Variants in RETREG1 observed in about 807,000 individuals in gnomAD.
RETREG1 encodes family with sequence similarity 134 member B.
RETREG1 carries 44 observed loss-of-function variants against 54.8 expected under a neutral mutation model. The observed-to-expected ratio is 0.80, with a 90% CI of 0.63 to 1.03. RETREG1 has a LOEUF of 1.03. Among genes scored for constraint, RETREG1 ranks in the 50% least tolerant of loss-of-function variants. The probability of loss-of-function intolerance (pLI) is 0.00; values close to 1 mark genes in which losing one functional copy is unlikely to be tolerated. For missense variants in RETREG1, 554 were observed against 605.1 expected, an observed-to-expected ratio of 0.92 and a Z score of 0.89; for synonymous variants, 217 against 238.5, an observed-to-expected ratio of 0.91 and a Z score of 0.83.
intron 1 of RETREG1, among the ~76,000 whole-genome samples, chr5:16,576,429 A>T (rs1742320579): frequency 6.6e-6 from 1 of 151,660 alleles, no homozygotes; most frequent in South Asian, 2.1e-4. Flanking sequence ...AGTAGCTGAG[A>T]CTACAGGTGC....
chr5:16,543,134 G>A (rs140382406), intron 3 of RETREG1, among the ~76,000 whole-genome samples: 290 of 152,226 alleles, frequency 1.9e-3, no homozygotes, highest in African/African-American at 6.8e-3. Flanking sequence ...TAATTACCTT[G>A]AGATTCTTTC....
intron 3 of RETREG1, among the ~76,000 whole-genome samples, chr5:16,512,412 C>T (rs1740208621): frequency 6.6e-6 from 1 of 152,160 alleles, no homozygotes; most frequent in Non-Finnish European, 1.5e-5. Context: ...TGTATATACT[C>T]TCTTTCCAAA....
intron 1 of RETREG1, among the ~76,000 whole-genome samples, chr5:16,612,683 C>T (rs1743381203): frequency 6.6e-6 from 1 of 152,138 alleles, no homozygotes; most frequent in Admixed American, 6.5e-5. Flanking sequence ...GAGACAGGCA[C>T]TCTATGTGGC....
rs74807621 is a variant in RETREG1, at chr5:16,570,323, G to C, written c.427+1673C>G. ...ATTTCCACATCTGCATGAATATCAAGCCCATGAGTCAACAGCGGAAACGAT... is the reference window on the plus strand; with the variant it reads ...ATTTCCACATCTGCATGAATATCAACCCCATGAGTCAACAGCGGAAACGAT... On this transcript the variant is annotated intron_variant, in intron 2 of 8. Coordinates refer to ENST00000306320, the MANE Select transcript of RETREG1 (RefSeq NM_001034850.3). Among the ~76,000 whole-genome samples the C allele has an allele frequency of 6.1e-3, 931 of 152,272 alleles. 9 individuals are homozygous for C. The highest frequency in any genetic ancestry group is 0.021 in the African/African-American group (858 of 41,534).
rs7729267 is a variant in RETREG1 at position 16,510,078 on chromosome 5, G to A, written c.459-26606C>T. ...TGTTGTTATGTTATAGCTAATCCTAGCATGTTATCTATATTTAATGTATAT... is the reference window on the plus strand; with the variant it reads ...TGTTGTTATGTTATAGCTAATCCTAACATGTTATCTATATTTAATGTATAT... On this transcript the variant is annotated intron_variant, in intron 3 of 8. Transcript: ENST00000306320. Among the ~76,000 whole-genome samples the A allele has an allele frequency of 4.5e-3, 685 of 152,236 alleles. 7 individuals carry two copies. Among genetic ancestry groups the A allele is most frequent in the African/African-American group, 0.016 (663 of 41,536 alleles).
chr5:16,520,206 A>T (rs1393567926), intron 3 of RETREG1, among the ~76,000 whole-genome samples: 1 of 152,166 alleles, frequency 6.6e-6, no homozygotes, highest in Non-Finnish European at 1.5e-5. Context: ...ACGGGCGAAG[A>T]GTCAGAGCCT....
chr5:16,536,562 A>G lies in RETREG1; in HGVS notation c.458+29201T>C, dbSNP rs75450903. 2.2e-3 allele frequency among the ~76,000 whole-genome samples: 340 copies of G among 151,954 alleles called. 4 individuals are homozygous for G. The South Asian group carries it at 0.029, about 13-fold the overall frequency. On this transcript the variant is annotated intron_variant, in intron 3 of 8. Coordinates refer to ENST00000306320, the MANE Select transcript of RETREG1 (RefSeq NM_001034850.3). ...CTAACTCCTCGCCCAAGGAGCCACC[A>G]AGAGACACCAGGACACAGGACAAAC...
At chr5:16,555,020 A>G (rs1030576192) in intron 3 of RETREG1, among the ~76,000 whole-genome samples, 2 of 152,128 alleles carry the variant, frequency 1.3e-5, no homozygotes, top group Non-Finnish European at 1.5e-5. Flanking sequence ...CTGGCCCCTC[A>G]CCACTCCCTA....
chr5:16,551,175 T>C (rs1741529811), intron 3 of RETREG1, among the ~76,000 whole-genome samples: 1 of 152,162 alleles, frequency 6.6e-6, no homozygotes, highest in African/African-American at 2.4e-5. Context: ...TTACCAGCAA[T>C]ATTTTCCAAA....
At chr5:16,521,887 C>T (rs1433422473) in intron 3 of RETREG1, among the ~76,000 whole-genome samples, 1 of 152,226 alleles carries the variant, frequency 6.6e-6, no homozygotes. Flanking sequence ...GACTTTGCAG[C>T]TTGCAGCTCT....
Position 16,483,450 on chromosome 5 carries a change from G to C in RETREG1, c.481C>G (p.Pro161Ala), listed in dbSNP as rs954191893. The C allele has an allele frequency of 1.2e-6, 2 of 1,613,014 alleles. No homozygotes were observed. Among genetic ancestry groups the C allele is most frequent in the South Asian group, 1.1e-5 (1 of 91,052 alleles). ...SESWEVINSK[P>A]DERPRLSHCI... ...TGGCTGAGCCTGGGTCTTTCATCTG[G>C]TTTGGAATTGATAACTTCCCAGCTA... The change falls in exon 4 of 9, where the codon CCA becomes GCA. Residue 161 changes from proline (P) to alanine (A), a missense_variant. Physicochemically the swap from Pro to Ala is conservative, Grantham distance 27 (BLOSUM62 -1). This residue lies in a region of RETREG1 where 347 missense variants were observed against 412.3 expected (regional missense o/e 0.84). Transcript: ENST00000306320.
chr5:16,593,517 T>A lies in RETREG1; in HGVS notation c.321-21415A>T, dbSNP rs1401050680. On this transcript the variant is annotated intron_variant, in intron 1 of 8. Coordinates refer to ENST00000306320, the MANE Select transcript of RETREG1 (RefSeq NM_001034850.3). The surrounding 1 kb of genome is among the most constrained non-coding windows in gnomAD (Gnocchi z 4.9). ...ACCATGCATGTAATCAATGTAATCA[T>A]TAATCATAAATTCCTTAAAGCACAT... Among the ~76,000 whole-genome samples, 1 of 152,186 alleles carries A rather than the reference T, an allele frequency of 6.6e-6. No homozygotes were observed. The highest frequency in any genetic ancestry group is 1.5e-5 in the Non-Finnish European group (1 of 68,038).
chr5:16,614,054 C>A (rs1743422637), intron 1 of RETREG1, among the ~76,000 whole-genome samples: 1 of 152,140 alleles, frequency 6.6e-6, no homozygotes, highest in African/African-American at 2.4e-5. Context: ...AATGCAGATG[C>A]CACAAACAGG....
intron 4 of RETREG1, 91 bp from the exon 5 acceptor site, chr5:16,481,184 G>C (rs750191040): frequency 5.9e-5 from 58 of 986,742 alleles, no homozygotes; most frequent in Non-Finnish European, 8.3e-5. Flanking sequence ...AATCTATAGT[G>C]ACCGGTATAA....
At chr5:16,588,733 AT>A (rs1348939547) in intron 1 of RETREG1, among the ~76,000 whole-genome samples, 1 of 152,246 alleles carries the variant, frequency 6.6e-6, no homozygotes, top group African/African-American at 2.4e-5. Context: ...CCAACAGGTT[AT>A]TTAAGATCAG....
At chr5:16,520,561 C>G (rs1402783428) in intron 3 of RETREG1, among the ~76,000 whole-genome samples, 1 of 151,798 alleles carries the variant, frequency 6.6e-6, no homozygotes, top group Non-Finnish European at 1.5e-5. Context: ...AACTCCTGAC[C>G]TTGTGATCCT....
chr5:16,607,504 C>T (rs1743225343), intron 1 of RETREG1, among the ~76,000 whole-genome samples: 1 of 152,016 alleles, frequency 6.6e-6, no homozygotes, highest in South Asian at 2.1e-4. Context: ...ATCCCAGCTA[C>T]TTGGGAGGCT....
chr5:16,599,792 G>A (rs141400982), intron 1 of RETREG1, among the ~76,000 whole-genome samples: 2 of 152,266 alleles, frequency 1.3e-5, no homozygotes, highest in Non-Finnish European at 1.5e-5. Flanking sequence ...TACTGACAAA[G>A]ATATGCATGC....
At chr5:16,599,442 T>C (rs1005917870) in intron 1 of RETREG1, among the ~76,000 whole-genome samples, 1 of 152,154 alleles carries the variant, frequency 6.6e-6, no homozygotes, top group Non-Finnish European at 1.5e-5. Flanking sequence ...ATAGGAATTA[T>C]CACAACCACA....
Sources: gnomAD v4.1 joint callset for allele counts (sites outside exome capture counted in the v4.1 genomes callset) on GRCh38, gnomAD v4.1.1 for gene constraint, gnomAD v4.1.1 regional missense constraint, Gnocchi (gnomAD v3.1) non-coding constraint, MANE v1.5 for transcripts, NCBI Gene and HGNC (gene_info 2026-07-23, HGNC 2026-07-21) for gene names.